The following PDE4D variants were observed in gnomAD, a reference collection of about 807,000 sequenced individuals.
PDE4D encodes phosphodiesterase 4D, also known as 3',5'-cyclic-AMP phosphodiesterase 4D.
In PDE4D, 24 loss-of-function variants were observed where a neutral mutation model predicts 87.4. That is an observed-to-expected ratio of 0.27 (90% CI 0.20 to 0.39). The LOEUF is 0.39. PDE4D is among the 10% of genes least tolerant of loss of function. The pLI is 1.00. For missense variants in PDE4D, 714 were observed against 1,041.0 expected (o/e 0.69, Z 4.32); for synonymous variants, 384 against 383.2 (o/e 1.00, Z -0.02).
chr5:60,076,190 G>A (rs907510326), intron 2 of PDE4D, among the ~76,000 whole-genome samples: 12 of 151,214 alleles, frequency 7.9e-5, no homozygotes, highest in African/African-American at 2.7e-4. Context: ...ATGGAGTCTC[G>A]CTCTGTTGCC....
At chr5:59,078,717 C>G (rs1766139537) in intron 5 of PDE4D, among the ~76,000 whole-genome samples, 1 of 151,896 alleles carries the variant, frequency 6.6e-6, no homozygotes, top group Non-Finnish European at 1.5e-5. Context: ...CTTCATGTTG[C>G]TCAGGCAGGT....
At chr5:59,948,081 A>C (rs1757903148) in intron 3 of PDE4D, among the ~76,000 whole-genome samples, 1 of 152,220 alleles carries the variant, frequency 6.6e-6, no homozygotes, top group Non-Finnish European at 1.5e-5. Context: ...TCTCAAAGAG[A>C]TGTAAAAAAT....
rs557230552 is a variant in PDE4D, at chr5:59,247,591, A to G, written c.456-31623T>C. 5.3e-5 allele frequency among the ~76,000 whole-genome samples: 8 copies of G among 152,266 alleles called. No individual in the cohort carries two copies. In the South Asian group the frequency reaches 1.7e-3, roughly 32 times the overall value. On this transcript the variant is annotated intron_variant, in intron 1 of 14. Coordinates refer to ENST00000340635, the MANE Select transcript of PDE4D (RefSeq NM_001104631.2). ...AATGGAAATAGAATGTAGGCTTCAT[A>G]TGTTACTAAGGATACCCTTGATTAT...
chr5:60,144,130 C>A (rs1780795223), intron 2 of PDE4D, among the ~76,000 whole-genome samples: 1 of 152,166 alleles, frequency 6.6e-6, no homozygotes, highest in African/African-American at 2.4e-5. Flanking sequence ...GCAGCGGTGA[C>A]CTCCAGGTGC....
chr5:59,120,208 CT>C (rs1774258171), intron 5 of PDE4D, among the ~76,000 whole-genome samples: 1 of 152,120 alleles, frequency 6.6e-6, no homozygotes, highest in South Asian at 2.1e-4. Flanking sequence ...ATCAGCAACA[CT>C]CTAAAATCTG....
intron 1 of PDE4D, among the ~76,000 whole-genome samples, chr5:59,666,326 T>C (rs1746070913): frequency 6.6e-6 from 1 of 152,144 alleles, no homozygotes; most frequent in African/African-American, 2.4e-5. Context: ...CCTACCTTAC[T>C]ATCAGTGCCA....
chr5:60,150,274 T>C (rs151153224), intron 2 of PDE4D, among the ~76,000 whole-genome samples: 40 of 152,014 alleles, frequency 2.6e-4, no homozygotes, highest in African/African-American at 7.0e-4. Flanking sequence ...GCTTTGATAG[T>C]TCTTAGCTGG....
intron 1 of PDE4D, among the ~76,000 whole-genome samples, chr5:59,594,696 C>T (rs1182971344): frequency 1.3e-5 from 2 of 151,970 alleles, no homozygotes; most frequent in Non-Finnish European, 2.9e-5. Flanking sequence ...GAAAAAATTA[C>T]AATGCATAGT....
At chr5:59,544,869 G>A (rs976683823) in intron 1 of PDE4D, among the ~76,000 whole-genome samples, 9 of 152,168 alleles carry the variant, frequency 5.9e-5, no homozygotes, top group African/African-American at 1.7e-4. Flanking sequence ...TGTTTCTCAA[G>A]GATTAGTTTA....
intron 2 of PDE4D, chr5:59,215,386 T>C (rs1237264502): frequency 4.2e-6 from 1 of 238,292 alleles, no homozygotes; most frequent in Non-Finnish European, 8.2e-6. Flanking sequence ...ACAGGACTTT[T>C]CAATGGAGTT....
chr5:60,143,692 A>G (rs1780755441), intron 2 of PDE4D, among the ~76,000 whole-genome samples: 1 of 149,918 alleles, frequency 6.7e-6, no homozygotes, highest in Non-Finnish European at 1.5e-5. Flanking sequence ...AGCTCGCTAG[A>G]TGATTTTAAT....
chr5:60,317,377 T>A (rs1313047444), intron 1 of PDE4D, among the ~76,000 whole-genome samples: 1 of 152,196 alleles, frequency 6.6e-6, no homozygotes, highest in Non-Finnish European at 1.5e-5. Flanking sequence ...TTCTTCTCTC[T>A]TTTCTTCTTT....
chr5:59,088,355 G>A lies in PDE4D; in HGVS notation c.809-49384C>T, dbSNP rs184598150. Among the ~76,000 whole-genome samples, 11 of 152,186 alleles carry A rather than the reference G, an allele frequency of 7.2e-5. No homozygotes were observed. In the East Asian group the frequency reaches 2.1e-3, roughly 29 times the overall value. On this transcript the variant is annotated intron_variant, in intron 5 of 14. Coordinates refer to ENST00000340635, the MANE Select transcript of PDE4D (RefSeq NM_001104631.2). ...GAACACTTATACACTGTTGATGGGAGTGTAAATTAGTTCAACCATTGTGGA... is the reference window on the plus strand; with the variant it reads ...GAACACTTATACACTGTTGATGGGAATGTAAATTAGTTCAACCATTGTGGA...
chr5:60,317,798 T>C (rs1324237610), intron 1 of PDE4D, among the ~76,000 whole-genome samples: 1 of 152,230 alleles, frequency 6.6e-6, no homozygotes, highest in Non-Finnish European at 1.5e-5. Context: ...TTGTGCAGTT[T>C]TGAGTGAGTT....
chr5:60,216,416 G>A (rs1004193002), intron 1 of PDE4D, among the ~76,000 whole-genome samples: 1 of 151,988 alleles, frequency 6.6e-6, no homozygotes, highest in Non-Finnish European at 1.5e-5. Context: ...CTTCTTTGAG[G>A]AAATTGCTTC....
intron 2 of PDE4D, among the ~76,000 whole-genome samples, chr5:59,210,881 T>G (rs1749923909): frequency 1.3e-5 from 2 of 152,182 alleles, no homozygotes; most frequent in Non-Finnish European, 2.9e-5. Context: ...ATTCATAGTT[T>G]TGTGACTTAA....
At chr5:59,863,183 G>A (rs1581477799) in intron 1 of PDE4D, among the ~76,000 whole-genome samples, 1 of 152,066 alleles carries the variant, frequency 6.6e-6, no homozygotes, top group Admixed American at 6.6e-5. Context: ...GACATCAAAT[G>A]TACTCCAAAG....
At chr5:59,033,028 G>A (rs1469556080) in intron 6 of PDE4D, among the ~76,000 whole-genome samples, 3 of 151,908 alleles carry the variant, frequency 2.0e-5, no homozygotes, top group African/African-American at 7.3e-5. Context: ...TCCAGGCCAG[G>A]GAGTAAATAT....
intron 2 of PDE4D, among the ~76,000 whole-genome samples, chr5:60,063,242 AT>A (rs1476139570): frequency 6.6e-6 from 1 of 152,126 alleles, no homozygotes; most frequent in Non-Finnish European, 1.5e-5. Context: ...ACAGGAATAT[AT>A]TTATGTAAAC....
Sources: gnomAD v4.1 joint callset for allele counts (sites outside exome capture counted in the v4.1 genomes callset) on GRCh38, gnomAD v4.1.1 for gene constraint, MANE v1.5 for transcripts, NCBI Gene and HGNC (gene_info 2026-07-23, HGNC 2026-07-21) for gene names.